CISTR: variants seen among roughly 807,000 people sequenced by gnomAD.
CISTR encodes chondrogenesis-associated transcript.
At position 53,756,370 on chromosome 12, in the gene CISTR, A is replaced by G. The variant is rs1937914600; in HGVS notation, n.414+444T>C. On this transcript the variant is annotated intron_variant and non_coding_transcript_variant, in intron 1 of 2. Transcript: ENST00000669269. This position sits in a 1 kb window ranked among gnomAD's most constrained non-coding sequence, Gnocchi z 4.0. ...GGGAAAAGATCTGATTATTGTAATA[A>G]TAGATGATACCACAGGAAGGAACCT... Among the ~76,000 whole-genome samples, 1 of 152,240 alleles carries G rather than the reference A, an allele frequency of 6.6e-6. No homozygotes were observed. The highest frequency in any genetic ancestry group is 2.1e-4 in the South Asian group (1 of 4,836).
At position 53,751,510 on chromosome 12, in the gene CISTR, C is replaced by T. The variant is rs1427282644; in HGVS notation, n.415-545G>A. Among the ~76,000 whole-genome samples, 2 of 152,118 alleles carry T rather than the reference C, an allele frequency of 1.3e-5. No individual in the cohort carries two copies. Among genetic ancestry groups the T allele is most frequent in the Admixed American group, 1.3e-4 (2 of 15,282 alleles). ...AGCGCGGTGGAACGTTTTAATTAGG[C>T]CTGAACAATAAACAAGCTAAACGAG... On this transcript the variant is annotated intron_variant and non_coding_transcript_variant, in intron 1 of 2. Transcript: ENST00000669269. This position sits in a 1 kb window ranked among gnomAD's most constrained non-coding sequence, Gnocchi z 4.6.
intron 2 of CISTR, among the ~76,000 whole-genome samples, chr12:53,747,505 G>T (rs1565658271): frequency 6.6e-6 from 1 of 152,154 alleles, no homozygotes; most frequent in Non-Finnish European, 1.5e-5. Flanking sequence ...ACACAAGGCA[G>T]ATGCTGGATA....
chr12:53,748,870 G>A (rs1461393184), intron 2 of CISTR, among the ~76,000 whole-genome samples: 1 of 152,158 alleles, frequency 6.6e-6, no homozygotes, highest in African/African-American at 2.4e-5. Context: ...TCAGGTAGAG[G>A]TTGCAGGGGG....
intron 2 of CISTR, among the ~76,000 whole-genome samples, chr12:53,748,465 A>G (rs982902632): frequency 5.3e-5 from 8 of 152,170 alleles, no homozygotes; most frequent in Admixed American, 5.2e-4. Flanking sequence ...AGATGAAGAG[A>G]GACGGACAGA....
chr12:53,751,724 TCCCG>T lies in CISTR; in HGVS notation n.415-763_415-760del, dbSNP rs1174285011. 6.6e-6 allele frequency: 1 copy of T among 151,510 alleles called. No homozygotes were observed. Among genetic ancestry groups the T allele is most frequent in the Non-Finnish European group, 1.5e-5 (1 of 68,050 alleles). 9.4% of individuals were successfully genotyped at this position (151,510 alleles called of 1,614,324 possible). A position where few individuals can be genotyped will look rare whatever the true frequency, so the allele number is the denominator to read the frequency against. ...CCCGGGGCGAGGGCAGCGGGCCGGT[TCCCG>T]CCCGCCCGGGGCCGCGGCTTCCGCA... On this transcript the variant is annotated intron_variant and non_coding_transcript_variant, in intron 1 of 2. Transcript: ENST00000669269. This position sits in a 1 kb window ranked among gnomAD's most constrained non-coding sequence, Gnocchi z 4.6.
At position 53,756,045 on chromosome 12, in the gene CISTR, C is replaced by T. The variant is rs114817207; in HGVS notation, n.414+769G>A. The T allele has an allele frequency of 6.6e-6, 1 of 152,202 alleles. No homozygotes were observed. The highest frequency in any genetic ancestry group is 1.5e-5 in the Non-Finnish European group (1 of 68,044). 9.4% of individuals were successfully genotyped at this position (152,202 alleles called of 1,614,324 possible). ...CTGTGAAGTTAGCCTGCCCCCAGCTCCCTGGCTTGGTGGAGGGAACCAGGA... is the reference window on the plus strand; with the variant it reads ...CTGTGAAGTTAGCCTGCCCCCAGCTTCCTGGCTTGGTGGAGGGAACCAGGA... On this transcript the variant is annotated intron_variant and non_coding_transcript_variant, in intron 1 of 2. Coordinates refer to ENST00000669269, the Ensembl canonical transcript of CISTR. The surrounding 1 kb of genome is among the most constrained non-coding windows in gnomAD (Gnocchi z 4.0).
At chr12:53,750,359 A>C (rs1231845286) in exon 2 of CISTR, 5 of 152,488 alleles carry the variant, frequency 3.3e-5, no homozygotes, top group African/African-American at 1.2e-4. Flanking sequence ...ACCACAAATG[A>C]GGCTGTGGAC....
intron 1 of CISTR, among the ~76,000 whole-genome samples, chr12:53,753,395 T>C (rs1937879970): frequency 6.6e-6 from 1 of 152,002 alleles, no homozygotes; most frequent in Non-Finnish European, 1.5e-5. Flanking sequence ...GGCTTATCAG[T>C]TGAGTTGGTC....
rs544013590 is a variant in CISTR, at chr12:53,756,495, C to A, written n.414+319G>T. ...TAGGCCTTGAAATCCTGGGCTCAGG[C>A]GATCCTCCTGCCTCAGCCTTCCAAA... On this transcript the variant is annotated intron_variant and non_coding_transcript_variant, in intron 1 of 2. Coordinates refer to ENST00000669269, the Ensembl canonical transcript of CISTR. The surrounding 1 kb of genome is among the most constrained non-coding windows in gnomAD (Gnocchi z 4.0). Among the ~76,000 whole-genome samples the A allele has an allele frequency of 1.3e-5, 2 of 152,166 alleles. No individual in the cohort carries two copies. Among genetic ancestry groups the A allele is most frequent in the African/African-American group, 4.8e-5 (2 of 41,432 alleles).
At chr12:53,748,011 C>T (rs931070478) in intron 2 of CISTR, among the ~76,000 whole-genome samples, 1 of 152,182 alleles carries the variant, frequency 6.6e-6, no homozygotes, top group Non-Finnish European at 1.5e-5. Flanking sequence ...ATGTAGATAT[C>T]TGGGTGGGAG....
intron 2 of CISTR, among the ~76,000 whole-genome samples, chr12:53,749,331 G>A (rs977772231): frequency 2.0e-5 from 3 of 151,638 alleles, no homozygotes; most frequent in African/African-American, 7.3e-5. Context: ...TAAAAGACAG[G>A]GAGCAGAGAG....
exon 2 of CISTR, chr12:53,750,562 T>C (rs1246982085): frequency 1.3e-5 from 2 of 151,838 alleles, no homozygotes; most frequent in Non-Finnish European, 2.9e-5. Context: ...TCTGGATAGG[T>C]GTGTACTTAA....
At chr12:53,748,998 G>A (rs114652563) in intron 2 of CISTR, among the ~76,000 whole-genome samples, 2,173 of 151,940 alleles carry the variant, frequency 0.014, 61 homozygotes, top group African/African-American at 0.05. Context: ...GTGTGTGTGT[G>A]AGCAGGAACC....
intron 2 of CISTR, among the ~76,000 whole-genome samples, chr12:53,749,944 G>C (rs1338316409): frequency 6.6e-6 from 1 of 152,148 alleles, no homozygotes; most frequent in Admixed American, 6.5e-5. Context: ...TATGACAGAA[G>C]GAGATCTTCC....
intron 1 of CISTR, among the ~76,000 whole-genome samples, chr12:53,753,071 C>G (rs1462544861): frequency 8.1e-6 from 1 of 123,122 alleles, no homozygotes; most frequent in African/African-American, 2.8e-5. Context: ...CACACACACA[C>G]ACACACACAC....
chr12:53,753,667 T>TGG (rs926748587), intron 1 of CISTR, among the ~76,000 whole-genome samples: 14 of 34,142 alleles, frequency 4.1e-4, no homozygotes, highest in Admixed American at 6.3e-4. Flanking sequence ...TGCATAGGGG[T>TGG]GTGTGTGTGT....
At chr12:53,748,210 T>C (rs1373288957) in intron 2 of CISTR, among the ~76,000 whole-genome samples, 1 of 152,178 alleles carries the variant, frequency 6.6e-6, no homozygotes, top group African/African-American at 2.4e-5. Context: ...TGCATCCTAA[T>C]CAGCGCTGCG....
At chr12:53,755,440 A>G (rs1304939248) in intron 1 of CISTR, among the ~76,000 whole-genome samples, 2 of 151,954 alleles carry the variant, frequency 1.3e-5, no homozygotes, top group African/African-American at 2.4e-5. Flanking sequence ...TCTATTCTAC[A>G]TTTCTTTTGC....
intron 2 of CISTR, among the ~76,000 whole-genome samples, chr12:53,750,010 G>A (rs971650401): frequency 2.0e-5 from 3 of 152,288 alleles, no homozygotes; most frequent in African/African-American, 7.2e-5. Flanking sequence ...GGGCAGTAAT[G>A]TTCCCAGGAG....
Sources: allele counts gnomAD v4.1 joint callset (sites outside exome capture counted in the v4.1 genomes callset), GRCh38; gene constraint gnomAD v4.1.1; non-coding constraint Gnocchi (gnomAD v3.1); transcripts MANE v1.5; gene names NCBI Gene and HGNC (gene_info 2026-07-23, HGNC 2026-07-21).